CTNNA2: variants seen among roughly 807,000 people sequenced by gnomAD.
CTNNA2 encodes catenin alpha-2.
Under a neutral mutation model 101.0 loss-of-function variants are expected in CTNNA2, and 42 were observed. The ratio of observed to expected loss-of-function variants is 0.42; its 90% CI spans 0.32 to 0.54. The LOEUF (loss-of-function observed/expected upper bound fraction) is 0.54, where lower values mean the gene tolerates loss of function less well. Ranked by LOEUF, CTNNA2 falls within the 20% of genes least tolerant of loss-of-function variation. The pLI, the probability that CTNNA2 is intolerant of heterozygous loss-of-function variation, is 0.14. For synonymous variants in CTNNA2, 450 were observed against 456.4 expected (o/e 0.99, Z 0.18); for missense variants, 871 against 1,223.1 (o/e 0.71, Z 4.29).
chr2:79,235,614 A>G (rs1212023746), intron 2 of CTNNA2, among the ~76,000 whole-genome samples: 2 of 151,922 alleles, frequency 1.3e-5, no homozygotes, highest in East Asian at 1.9e-4. Context: ...GGCACACACC[A>G]CTCCTCCATA....
At chr2:80,384,116 A>G (rs1676772298) in intron 7 of CTNNA2, among the ~76,000 whole-genome samples, 1 of 152,156 alleles carries the variant, frequency 6.6e-6, no homozygotes, top group African/African-American at 2.4e-5. Flanking sequence ...GCTAAATAAC[A>G]TGAACACATG....
chr2:80,019,222 A>G (rs538899779), intron 7 of CTNNA2, among the ~76,000 whole-genome samples: 2 of 152,316 alleles, frequency 1.3e-5, no homozygotes, highest in East Asian at 3.9e-4. Flanking sequence ...CCAATACCCC[A>G]TGGATACTGA....
intron 7 of CTNNA2, among the ~76,000 whole-genome samples, chr2:80,224,393 T>G (rs909402071): frequency 3.9e-5 from 6 of 152,322 alleles, no homozygotes; most frequent in Admixed American, 2.6e-4. Flanking sequence ...CAGGTTTTCA[T>G]ATCTGGCCTG....
chr2:80,095,789 A>G (rs1186025657), intron 7 of CTNNA2, among the ~76,000 whole-genome samples: 3 of 151,718 alleles, frequency 2.0e-5, no homozygotes, highest in Non-Finnish European at 4.4e-5. Flanking sequence ...GTTTATTTGC[A>G]TAGAGGTGTT....
intron 2 of CTNNA2, among the ~76,000 whole-genome samples, chr2:79,245,730 ATATTC>A (rs1360485580): frequency 6.6e-6 from 1 of 152,184 alleles, no homozygotes; most frequent in Admixed American, 6.5e-5. Context: ...GATTGGACTT[ATATTC>A]TAAGAGATAT....
chr2:79,762,477 CG>C (rs1672860529), intron 3 of CTNNA2, among the ~76,000 whole-genome samples: 1 of 152,040 alleles, frequency 6.6e-6, no homozygotes. Flanking sequence ...CCTAGAACAA[CG>C]AGTAGATTTT....
At chr2:79,682,410 CAAA>C (rs10674928) in intron 2 of CTNNA2, among the ~76,000 whole-genome samples, 9,438 of 72,932 alleles carry the variant, frequency 0.13, 314 homozygotes, top group South Asian at 0.22. Context: ...AACTCCATCT[CAAA>C]AAAAAAAAAA....
At chr2:79,847,744 C>G (rs1297766749) in intron 3 of CTNNA2, among the ~76,000 whole-genome samples, 4 of 152,146 alleles carry the variant, frequency 2.6e-5, no homozygotes, top group African/African-American at 9.6e-5. Flanking sequence ...TTTCCTTGTA[C>G]AGTATCTTAA....
chr2:79,606,412 C>T (rs988317721), intron 1 of CTNNA2, among the ~76,000 whole-genome samples: 2 of 152,094 alleles, frequency 1.3e-5, no homozygotes. Flanking sequence ...GGACTACAGA[C>T]ACCCGCCAGC....
chr2:79,273,637 G>C (rs1024909268), intron 2 of CTNNA2, among the ~76,000 whole-genome samples: 4 of 152,040 alleles, frequency 2.6e-5, no homozygotes, highest in African/African-American at 7.2e-5. Flanking sequence ...CTGGTTTTCT[G>C]AAATAGATGA....
At chr2:79,600,857 G>A (rs1042139701) in intron 1 of CTNNA2, among the ~76,000 whole-genome samples, 1 of 152,068 alleles carries the variant, frequency 6.6e-6, no homozygotes, top group Non-Finnish European at 1.5e-5. Flanking sequence ...GCAACAGGGA[G>A]CAGAGAGATC....
intron 3 of CTNNA2, among the ~76,000 whole-genome samples, chr2:79,751,593 C>CAAAAAAA (rs397985098): frequency 3.8e-4 from 26 of 68,918 alleles, no homozygotes; most frequent in South Asian, 6.2e-4. Flanking sequence ...GACTCCATCT[C>CAAAAAAA]AAAAAAAAAA....
At chr2:79,458,062 C>T (rs1437663952) in intron 4 of CTNNA2, among the ~76,000 whole-genome samples, 1 of 152,132 alleles carries the variant, frequency 6.6e-6, no homozygotes, top group Non-Finnish European at 1.5e-5. Context: ...GTAACCTACA[C>T]TTAGTAGATG....
chr2:79,437,049 C>T (rs903287569), intron 4 of CTNNA2, among the ~76,000 whole-genome samples: 2 of 151,948 alleles, frequency 1.3e-5, no homozygotes, highest in Non-Finnish European at 2.9e-5. Context: ...GCCTGCCCAA[C>T]ATAGTGAAAA....
intron 1 of CTNNA2, among the ~76,000 whole-genome samples, chr2:79,581,295 G>A (rs998372869): frequency 4.6e-5 from 7 of 152,174 alleles, no homozygotes; most frequent in Admixed American, 3.9e-4. Context: ...GGAGGCCAAG[G>A]CAGGTGGACT....
intron 3 of CTNNA2, among the ~76,000 whole-genome samples, chr2:79,761,213 G>T (rs549462933): frequency 6.6e-6 from 1 of 151,998 alleles, no homozygotes; most frequent in African/African-American, 2.4e-5. Context: ...TTTCGGCCAC[G>T]TCTATGTTTT....
chr2:79,349,647 G>A (rs1331423751), intron 3 of CTNNA2, among the ~76,000 whole-genome samples: 2 of 152,114 alleles, frequency 1.3e-5, no homozygotes, highest in Admixed American at 1.3e-4. Context: ...GCCAACAATA[G>A]CTTGGAAGTC....
chr2:80,015,652 T>C (rs112374477), intron 7 of CTNNA2, among the ~76,000 whole-genome samples: 7 of 152,300 alleles, frequency 4.6e-5, no homozygotes, highest in African/African-American at 1.4e-4. Context: ...TTTGGATGTC[T>C]TTCTCAATAT....
rs565945286 is a variant in CTNNA2, at chr2:79,488,223, C to T, written c.-134-16831C>T. 2.7e-5 allele frequency among the ~76,000 whole-genome samples: 4 copies of T among 146,210 alleles called. No homozygotes were observed. In the South Asian group the frequency reaches 8.7e-4, roughly 32 times the overall value. ...ATCCCAGCTACTCAGGAGGCTGAGA[C>T]AGGAGAATCACTTGAATTCGGGAGG... is the stretch of plus-strand genomic sequence containing the variant. On this transcript the variant is annotated intron_variant, in intron 4 of 21. Transcript: ENST00000466387.
Sources: gnomAD v4.1 joint callset for allele counts (sites outside exome capture counted in the v4.1 genomes callset) on GRCh38, gnomAD v4.1.1 for gene constraint, MANE v1.5 for transcripts, NCBI Gene and HGNC (gene_info 2026-07-23, HGNC 2026-07-21) for gene names.